Variants in MCF2L observed in about 807,000 individuals in gnomAD.
MCF2L encodes the protein MCF.2 cell line derived transforming sequence like.
MCF2L carries 97 observed loss-of-function variants against 153.4 expected under a neutral mutation model. The ratio of observed to expected loss-of-function variants is 0.63; its 90% CI spans 0.54 to 0.75. The LOEUF is 0.75. MCF2L is among the 30% of genes least tolerant of loss of function. The pLI is 0.00. For synonymous variants in MCF2L, 659 were observed against 632.2 expected (o/e 1.04, Z -0.64); for missense variants, 1,347 against 1,495.2 (o/e 0.90, Z 1.64).
chr13:112,994,808 G>A (rs1044163497), intron 1 of MCF2L, among the ~76,000 whole-genome samples: 3 of 152,226 alleles, frequency 2.0e-5, no homozygotes, highest in Non-Finnish European at 4.4e-5. Context: ...AGAGTGAGTC[G>A]GAAAGGCCAC....
Position 113,062,124 on chromosome 13 carries a change from G to A in MCF2L, c.489+1412G>A, listed in dbSNP as rs375386952. 1.5e-3 allele frequency among the ~76,000 whole-genome samples: 223 copies of A among 151,664 alleles called. 2 individuals carry two copies. Among genetic ancestry groups the A allele is most frequent in the Admixed American group, 0.01 (157 of 15,234 alleles). On this transcript the variant is annotated intron_variant, in intron 5 of 29. Coordinates refer to ENST00000535094, the MANE Select transcript of MCF2L (RefSeq NM_001112732.3). ...CATTGGGAAACTCTGTGCATGTACC[G>A]TTTTTTGTAGCCTTGGAGAAGCCTT...
At position 113,024,634 on chromosome 13, in the gene MCF2L, C is replaced by T. The variant is rs765680099; in HGVS notation, c.164-10C>T. ...CCTCGGCTAAGGGTCTGCCTCTGGT[C>T]TCTCCCCAGGTGGGCGGGGGCAGGA... On this transcript the variant is annotated splice_polypyrimidine_tract_variant and intron_variant, in intron 2 of 29. Transcript: ENST00000535094. 6 of 1,600,722 alleles carry T rather than the reference C, an allele frequency of 3.7e-6. No individual in the cohort carries two copies. Among genetic ancestry groups the T allele is most frequent in the Middle Eastern group, 1.7e-4 (1 of 6,054 alleles).
chr13:112,902,810 TC>T (rs2081132676), intron 2 of MCF2L, among the ~76,000 whole-genome samples: 1 of 152,228 alleles, frequency 6.6e-6, no homozygotes, highest in African/African-American at 2.4e-5. Context: ...TCAGCTGGTC[TC>T]CAGACCAGTG....
intron 3 of MCF2L, among the ~76,000 whole-genome samples, chr13:113,033,369 C>A (rs1450316091): frequency 6.7e-5 from 4 of 59,478 alleles, no homozygotes; most frequent in Admixed American, 3.4e-4. Flanking sequence ...GCGTGAGTGG[C>A]CCCCGTGACG....
chr13:113,087,525 G>C (rs985003587), intron 22 of MCF2L, 69 bp downstream of exon 22: 1 of 1,338,432 alleles, frequency 7.5e-7, no homozygotes, highest in Middle Eastern at 1.9e-4. Flanking sequence ...TCTGTAACTC[G>C]GTCTGAGGTG....
chr13:112,894,622 C>T (rs999349505), intron 1 of MCF2L, among the ~76,000 whole-genome samples: 2 of 152,074 alleles, frequency 1.3e-5, no homozygotes, highest in African/African-American at 4.8e-5. Context: ...CCCCGCGGCC[C>T]CTGCCCAGCG....
chr13:112,924,831 T>C (rs1349728793), intron 2 of MCF2L, among the ~76,000 whole-genome samples: 5 of 152,216 alleles, frequency 3.3e-5, no homozygotes, highest in Non-Finnish European at 5.9e-5. Flanking sequence ...CGTTAAAATT[T>C]TCTATACAGC....
At chr13:113,079,830 C>G in intron 15 of MCF2L, among the ~76,000 whole-genome samples, 1 of 151,020 alleles carries the variant, frequency 6.6e-6, no homozygotes, top group Admixed American at 6.6e-5. Context: ...GAGGAGGGTC[C>G]AGGCAGAGGA....
chr13:112,982,055 C>T (rs1566686042), intron 1 of MCF2L, among the ~76,000 whole-genome samples: 1 of 152,168 alleles, frequency 6.6e-6, no homozygotes, highest in South Asian at 2.1e-4. Context: ...GCCCGGAGTG[C>T]AGCAGTGGAG....
At chr13:113,066,568 T>C (rs1346030052) in intron 8 of MCF2L, among the ~76,000 whole-genome samples, 4 of 152,156 alleles carry the variant, frequency 2.6e-5, no homozygotes, top group Non-Finnish European at 5.9e-5. Context: ...GTTTCTTACT[T>C]TCATTGTGAA....
At chr13:113,077,243 G>A in intron 13 of MCF2L, 32 bp downstream of exon 13, 1 of 1,500,474 alleles carries the variant, frequency 6.7e-7, no homozygotes, top group Non-Finnish European at 8.9e-7. Context: ...CCCGGGTGCT[G>A]TGGGACCCTC....
At chr13:112,914,245 C>CA (rs1176616009) in intron 2 of MCF2L, among the ~76,000 whole-genome samples, 1 of 152,226 alleles carries the variant, frequency 6.6e-6, no homozygotes, top group Non-Finnish European at 1.5e-5. Flanking sequence ...CGAGCTGAGA[C>CA]ACATGTTCAC....
intron 4 of MCF2L, among the ~76,000 whole-genome samples, chr13:113,049,656 C>G (rs777656608): frequency 5.3e-5 from 8 of 152,190 alleles, no homozygotes; most frequent in African/African-American, 1.9e-4. Context: ...CAGGCACAGG[C>G]TCCAGCTGCC....
intron 1 of MCF2L, among the ~76,000 whole-genome samples, chr13:112,894,722 C>A (rs1215384626): frequency 6.6e-6 from 1 of 152,132 alleles, no homozygotes; most frequent in Non-Finnish European, 1.5e-5. Flanking sequence ...GGCCCCTCCG[C>A]ATTGTCACGG....
chr13:112,930,069 C>T (rs574064403), intron 2 of MCF2L, among the ~76,000 whole-genome samples: 12 of 152,288 alleles, frequency 7.9e-5, no homozygotes, highest in South Asian at 2.1e-4. Context: ...CTGGTACTGG[C>T]GAGGACACAG....
chr13:113,079,607 G>A (rs1184548076), intron 15 of MCF2L, among the ~76,000 whole-genome samples: 1 of 152,250 alleles, frequency 6.6e-6, no homozygotes, highest in Non-Finnish European at 1.5e-5. Flanking sequence ...GCAGGGTTGG[G>A]AGACGGCGCA....
At chr13:112,950,630 G>T (rs1433188295) in intron 2 of MCF2L, among the ~76,000 whole-genome samples, 2 of 152,216 alleles carry the variant, frequency 1.3e-5, no homozygotes, top group Admixed American at 1.3e-4. Flanking sequence ...GTGGAAGAAA[G>T]ATAGTCTTTT....
rs529076065 is a variant in MCF2L, at chr13:113,052,913, AACAC to A, written c.369+7560_369+7563del. Among the ~76,000 whole-genome samples the A allele has an allele frequency of 1.1e-3, 175 of 152,180 alleles. 2 individuals are homozygous for A. Among genetic ancestry groups the A allele is most frequent in the Middle Eastern group, 0.01 (3 of 294 alleles). On this transcript the variant is annotated intron_variant, in intron 4 of 29. Coordinates refer to ENST00000535094, the MANE Select transcript of MCF2L (RefSeq NM_001112732.3). ...CATATACCCACACATACATCACATA[AACAC>A]ACACACATATCACACAGACATGCAT...
chr13:112,914,300 G>A (rs115914424), intron 2 of MCF2L, among the ~76,000 whole-genome samples: 183 of 152,250 alleles, frequency 1.2e-3, no homozygotes, highest in African/African-American at 4.2e-3. Flanking sequence ...GGTAAATAGC[G>A]TCTGCACGCT....
Sources: allele counts gnomAD v4.1 joint callset (sites outside exome capture counted in the v4.1 genomes callset), GRCh38; gene constraint gnomAD v4.1.1; transcripts MANE v1.5; gene names NCBI Gene and HGNC (gene_info 2026-07-23, HGNC 2026-07-21).